Variants in SGSM3 observed in about 807,000 individuals in gnomAD.
The protein encoded by SGSM3 is RUN and SH3 containing 3.
In SGSM3, 96 loss-of-function variants were observed where a neutral mutation model predicts 100.5. That is an observed-to-expected ratio of 0.96 (90% confidence interval 0.81 to 1.13). The LOEUF (loss-of-function observed/expected upper bound fraction) is 1.13, where lower values mean the gene tolerates loss of function less well. Ranked by LOEUF, SGSM3 falls within the 50% of genes most tolerant of loss-of-function variation. The pLI, the probability that SGSM3 is intolerant of heterozygous loss-of-function variation, is 0.00. For synonymous variants in SGSM3, 483 were observed against 422.8 expected (o/e 1.14, Z -1.75); for missense variants, 1,001 against 1,015.8 (o/e 0.99, Z 0.20).
In SGSM3 at chr22:40,408,264, T is replaced by C; in HGVS notation, c.1630-13T>C. 6.2e-7 allele frequency: 1 copy of C among 1,612,474 alleles called. No homozygotes were observed. The highest frequency in any genetic ancestry group is 8.5e-7 in the Non-Finnish European group (1 of 1,179,428). On this transcript the variant is annotated splice_polypyrimidine_tract_variant and intron_variant, in intron 15 of 21. Coordinates refer to ENST00000248929, the MANE Select transcript of SGSM3 (RefSeq NM_015705.6). ...GTCAGGCAGGGCTTTCTCAGACCCA[T>C]CCCTCCCATCAGTACTCCATCGCGG...
chr22:40,409,156 G>A, intron 19 of SGSM3, 94 bp from the exon 20 acceptor site: 1 of 1,556,032 alleles, frequency 6.4e-7, no homozygotes, highest in Non-Finnish European at 8.7e-7. Context: ...GGTGGTCTGG[G>A]AGCTGCTGAG....
rs765711621 is a variant in SGSM3, at chr22:40,409,272, C to T, written c.2011C>T (p.Leu671=). Residue 671 remains leucine, a synonymous_variant, in exon 20 of 22, where the codon CTG becomes TTG. Coordinates refer to ENST00000248929, the MANE Select transcript of SGSM3 (RefSeq NM_015705.6). ...CAGTGAGCAGGTGCTGCACCTGTGG[C>T]TGGAGGTGCTCTGCTCCAGCCTGCC... ...GLNEQVLHLW[L]EVLCSSLPTV... 5 of 1,610,648 alleles carry T rather than the reference C, an allele frequency of 3.1e-6. No homozygotes were observed. Among genetic ancestry groups the T allele is most frequent in the Admixed American group, 1.7e-5 (1 of 59,878 alleles).
intron 9 of SGSM3, 41 bp from the exon 10 acceptor site, chr22:40,406,397 A>G (rs373499434): frequency 7.2e-6 from 11 of 1,521,134 alleles, no homozygotes; most frequent in African/African-American, 6.8e-5. Context: ...CGTCCCTGCA[A>G]TGACAACCTT....
At chr22:40,386,562 C>CTTTTTTTT (rs60319316) in intron 1 of SGSM3, among the ~76,000 whole-genome samples, 3 of 68,366 alleles carry the variant, frequency 4.4e-5, no homozygotes, top group African/African-American at 1.1e-4. Context: ...AATTTTCTTA[C>CTTTTTTTT]TTTTTTTTTT....
At chr22:40,397,401 TA>T (rs963462151) in intron 1 of SGSM3, among the ~76,000 whole-genome samples, 103 of 145,962 alleles carry the variant, frequency 7.1e-4, no homozygotes, top group South Asian at 2.4e-3. Flanking sequence ...ACCTTGTCTC[TA>T]AAAAAAAAAA....
At chr22:40,399,336 T>C (rs2146943886) in intron 1 of SGSM3, among the ~76,000 whole-genome samples, 1 of 152,246 alleles carries the variant, frequency 6.6e-6, no homozygotes, top group Middle Eastern at 3.4e-3. Flanking sequence ...CTGAGCCCAC[T>C]CCCTCCCAAA....
chr22:40,402,356 T>C, intron 4 of SGSM3, 151 bp downstream of exon 4: 1 of 652,600 alleles, frequency 1.5e-6, no homozygotes, highest in East Asian at 2.6e-5. Flanking sequence ...GGTGATACTC[T>C]CATAAGTATG....
In SGSM3 at chr22:40,409,569, C is replaced by T. The variant is rs747610913; in HGVS notation, c.2172+44C>T. The T allele has an allele frequency of 1.5e-5, 25 of 1,612,962 alleles. No individual in the cohort carries two copies. The Admixed American group carries it at 1.8e-4, about 12-fold the overall frequency. ...GTAGGGCCTGCACTGATGGAGCTGC[C>T]CAAACCGTTCGCGGGGTGGCTAAGG... On this transcript the variant is annotated intron_variant, in intron 21 of 21. Transcript: ENST00000248929.
chr22:40,396,698 A>T (rs1039274542), intron 1 of SGSM3, among the ~76,000 whole-genome samples: 1 of 152,166 alleles, frequency 6.6e-6, no homozygotes, highest in Non-Finnish European at 1.5e-5. Context: ...AGTAGTAGCA[A>T]CTATGCTGTG....
chr22:40,392,315 T>C lies in SGSM3; in HGVS notation c.-111-8381T>C, dbSNP rs1413109570. ...GAAAAATTACAGGCTTTTTTTTTTT[T>C]TCAGCAGCTTAGGAAGTTCCTGACT... On this transcript the variant is annotated intron_variant, in intron 1 of 21. Coordinates refer to ENST00000248929, the MANE Select transcript of SGSM3 (RefSeq NM_015705.6). Among the ~76,000 whole-genome samples, 7 of 152,176 alleles carry C rather than the reference T, an allele frequency of 4.6e-5. No homozygotes were observed. In the South Asian group the frequency reaches 8.3e-4, roughly 18 times the overall value.
At chr22:40,387,360 T>G (rs943020451) in intron 1 of SGSM3, 33 of 393,970 alleles carry the variant, frequency 8.4e-5, no homozygotes, top group African/African-American at 6.4e-4. Context: ...AATGAAACAT[T>G]TCCGGTAATT....
rs1288034346 is a variant in SGSM3, at chr22:40,407,014, C to T, written c.1186-3C>T. The T allele has an allele frequency of 1.3e-6, 2 of 1,570,328 alleles. No homozygotes were observed. The highest frequency in any genetic ancestry group is 2.4e-5 in the East Asian group (1 of 42,516). On this transcript the variant is annotated splice_polypyrimidine_tract_variant and splice_region_variant and intron_variant, in intron 10 of 21. Transcript: ENST00000248929. The surrounding 1 kb of genome is among the most constrained non-coding windows in gnomAD (Gnocchi z 4.7). ...CCACCCTGACCCACTCCTCTTGGTGCAGGTTGTTCGCCGCAGGACCCAGCG... is the reference window on the plus strand; with the variant it reads ...CCACCCTGACCCACTCCTCTTGGTGTAGGTTGTTCGCCGCAGGACCCAGCG...
chr22:40,401,609 C>T lies in SGSM3; in HGVS notation c.24C>T (p.Ala8=). The change falls in exon 3 of 22, where the codon GCC becomes GCT. Residue 8 remains alanine (A), a synonymous_variant. Transcript: ENST00000248929. MSGSHTP[A]CGPFSALTPS... ...TGGTTTTAGGAAGCCATACACCTGCCTGTGGCCCTTTCTCAGCCCTGACTC... is the reference window on the plus strand; with the variant it reads ...TGGTTTTAGGAAGCCATACACCTGCTTGTGGCCCTTTCTCAGCCCTGACTC... The T allele has an allele frequency of 3.1e-6, 5 of 1,613,108 alleles. No homozygotes were observed. The highest frequency in any genetic ancestry group is 4.2e-6 in the Non-Finnish European group (5 of 1,179,288).
At position 40,406,234 on chromosome 22, in the gene SGSM3, G is replaced by T; in HGVS notation, c.960+11G>T. The T allele has an allele frequency of 6.2e-7, 1 of 1,613,542 alleles. No homozygotes were observed. On this transcript the variant is annotated intron_variant, in intron 9 of 21. Coordinates refer to ENST00000248929, the MANE Select transcript of SGSM3 (RefSeq NM_015705.6). ...ATGCTGCACCTCAAGGTGCTCCACG[G>T]CCCCACTTCAGGCTGAGGAGTAGGC...
intron 15 of SGSM3, 45 bp from the exon 16 acceptor site, chr22:40,408,232 T>A (rs1736767591): frequency 1.2e-6 from 2 of 1,609,538 alleles, no homozygotes; most frequent in Admixed American, 1.7e-5. Flanking sequence ...GGTGACTGGC[T>A]GCAGGCGTCA....
chr22:40,408,581 C>T (rs1193290346), intron 16 of SGSM3, 46 bp from the exon 17 acceptor site: 1 of 1,609,242 alleles, frequency 6.2e-7, no homozygotes, highest in Non-Finnish European at 8.5e-7. Flanking sequence ...GGCTTTGAAC[C>T]AGCATCTTCC....
rs2052119107 is a variant in SGSM3 at position 40,408,943 on chromosome 22, C to A, written c.1913C>A (p.Ser638Tyr). Residue 638 changes from serine (S) to tyrosine (Y), a missense_variant, in exon 19 of 22, where the codon TCT (serine) becomes TAT (tyrosine). Ser to Tyr is a moderately radical substitution (Grantham distance 144). Coordinates refer to ENST00000248929, the MANE Select transcript of SGSM3 (RefSeq NM_015705.6). ...CGGTGCCGTTCCCAGGCTGTGCAGT[C>A]TGTGAACGTGACCCACGATGCAGTG... is the stretch of plus-strand genomic sequence containing the variant. ...PEELLYRAVQSVNVTHDAVHA... is the reference protein window; with the variant it reads ...PEELLYRAVQYVNVTHDAVHA... The A allele has an allele frequency of 6.2e-7, 1 of 1,611,468 alleles. No individual in the cohort carries two copies. The highest frequency in any genetic ancestry group is 8.5e-7 in the Non-Finnish European group (1 of 1,178,934).
At chr22:40,388,361 C>T (rs1462127387) in intron 1 of SGSM3, 2 of 152,244 alleles carry the variant, frequency 1.3e-5, no homozygotes, top group Admixed American at 1.3e-4. Context: ...GCTGTCTTTA[C>T]ATATTGCTGA....
In SGSM3 at chr22:40,404,288, C is replaced by CTGA; in HGVS notation, c.202_204dup (p.Met68dup). The CTGA allele has an allele frequency of 6.5e-7, 1 of 1,535,086 alleles. No individual in the cohort carries two copies. Among genetic ancestry groups the CTGA allele is most frequent in the Non-Finnish European group, 8.8e-7 (1 of 1,140,210 alleles). On this transcript the variant is annotated inframe_insertion, in exon 5 of 22. Transcript: ENST00000248929. ...CTCCAGTCTGCTGGCGAACTCCCCTCTGATGGAGGATGCTCCACAGAGGCT... is the reference window on the plus strand; with the variant it reads ...CTCCAGTCTGCTGGCGAACTCCCCTCTGATGATGGAGGATGCTCCACAGAGGCT...
Sources: allele counts gnomAD v4.1 joint callset (sites outside exome capture counted in the v4.1 genomes callset), GRCh38; gene constraint gnomAD v4.1.1; non-coding constraint Gnocchi (gnomAD v3.1); transcripts MANE v1.5; gene names NCBI Gene and HGNC (gene_info 2026-07-23, HGNC 2026-07-21).